The following CNBD1 variants were observed in gnomAD, a reference collection of about 807,000 sequenced individuals.
The protein encoded by CNBD1 is cyclic nucleotide-binding domain-containing protein 1.
Under a neutral mutation model 54.4 loss-of-function variants are expected in CNBD1, and 71 were observed. That is an observed-to-expected ratio of 1.30 (90% CI 1.08 to 1.59). CNBD1 has a LOEUF of 1.59. CNBD1 is among the 40% of genes most tolerant of loss of function. The pLI is 0.00. For missense variants in CNBD1, 659 were observed against 518.0 expected (o/e 1.27, Z -2.64); for synonymous variants, 182 against 170.7 (o/e 1.07, Z -0.51).
At chr8:87,049,510 C>T (rs1182274691) in intron 4 of CNBD1, among the ~76,000 whole-genome samples, 1 of 152,150 alleles carries the variant, frequency 6.6e-6, no homozygotes, top group African/African-American at 2.4e-5. Flanking sequence ...TTCAGGGTGA[C>T]TACTGAATAC....
chr8:87,015,042 G>A (rs1046258534), intron 4 of CNBD1, among the ~76,000 whole-genome samples: 8 of 152,060 alleles, frequency 5.3e-5, no homozygotes, highest in African/African-American at 1.9e-4. Context: ...TTTATAAGGG[G>A]CTTGTGTAAT....
At chr8:87,216,369 C>T (rs1446401677) in intron 5 of CNBD1, among the ~76,000 whole-genome samples, 2 of 152,048 alleles carry the variant, frequency 1.3e-5, no homozygotes, top group African/African-American at 4.8e-5. Context: ...CATCAGTATG[C>T]CACCATACAT....
At chr8:87,386,460 G>A (rs148918501), downstream of CNBD1, among the ~76,000 whole-genome samples, 250 of 152,254 alleles carry the variant, frequency 1.6e-3, 1 homozygote, top group African/African-American at 5.7e-3. Flanking sequence ...AGAACTATGT[G>A]ACGAATACAC....
chr8:87,303,042 G>A (rs952489105), intron 8 of CNBD1, among the ~76,000 whole-genome samples: 61 of 151,838 alleles, frequency 4.0e-4, no homozygotes, highest in African/African-American at 1.3e-3. Context: ...AATCAATATC[G>A]TGAAAATGGC....
At chr8:86,967,708 G>A (rs1382738929) in intron 4 of CNBD1, among the ~76,000 whole-genome samples, 7 of 151,710 alleles carry the variant, frequency 4.6e-5, no homozygotes, top group Admixed American at 4.6e-4. Flanking sequence ...TTTTAATAAG[G>A]CCATTAGCAT....
chr8:87,079,787 A>T lies in CNBD1; in HGVS notation c.432-126206A>T, dbSNP rs762608688. Among the ~76,000 whole-genome samples the T allele has an allele frequency of 1.2e-4, 18 of 152,260 alleles. No individual in the cohort carries two copies. The Middle Eastern group carries it at 0.01, about 86-fold the overall frequency. On this transcript the variant is annotated intron_variant, in intron 4 of 10. Coordinates refer to ENST00000518476, the MANE Select transcript of CNBD1 (RefSeq NM_173538.3). Reference sequence around the variant, plus strand: ...TCTGTGGCTTGCATTTTAATTTTTTAAAAAAGATCTTTTAAATAGCGGGAT... The same window carrying T: ...TCTGTGGCTTGCATTTTAATTTTTTTAAAAAGATCTTTTAAATAGCGGGAT...
At chr8:87,389,681 G>A (rs1362013529) in intron 2 of CNBD1, among the ~76,000 whole-genome samples, 1 of 152,144 alleles carries the variant, frequency 6.6e-6, no homozygotes, top group African/African-American at 2.4e-5. Context: ...ACTGCCCAAG[G>A]TAATTTATAG....
intron 4 of CNBD1, among the ~76,000 whole-genome samples, chr8:87,150,109 G>A (rs1391629333): frequency 1.3e-5 from 2 of 152,012 alleles, no homozygotes; most frequent in Admixed American, 6.6e-5. Context: ...CCCGGGAGGC[G>A]GAGCTTGCAG....
chr8:87,411,476 A>G, intron 2 of CNBD1, among the ~76,000 whole-genome samples: 1 of 145,190 alleles, frequency 6.9e-6, no homozygotes, highest in Non-Finnish European at 1.5e-5. Context: ...TCCTCCAAAC[A>G]TTGTATTATT....
At chr8:87,245,006 C>G (rs913606343) in intron 6 of CNBD1, among the ~76,000 whole-genome samples, 1 of 151,878 alleles carries the variant, frequency 6.6e-6, no homozygotes, top group African/African-American at 2.4e-5. Context: ...TTCAAATGTT[C>G]AAAACTAAAA....
chr8:86,939,842 G>A, intron 4 of CNBD1, 88 bp downstream of exon 4: 2 of 857,292 alleles, frequency 2.3e-6, no homozygotes, highest in South Asian at 1.9e-5. Flanking sequence ...GTGGGTAAGT[G>A]TACTTTAGTT....
chr8:87,223,119 G>C (rs939846390), intron 5 of CNBD1, among the ~76,000 whole-genome samples: 2 of 143,206 alleles, frequency 1.4e-5, no homozygotes, highest in Admixed American at 7.0e-5. Flanking sequence ...AAAAACCCCT[G>C]TGACCCCATC....
chr8:87,015,560 G>T (rs1809337223), intron 4 of CNBD1, among the ~76,000 whole-genome samples: 1 of 152,144 alleles, frequency 6.6e-6, no homozygotes, highest in Non-Finnish European at 1.5e-5. Flanking sequence ...TTTTCAGATT[G>T]AGATCTTTAA....
intron 2 of CNBD1, among the ~76,000 whole-genome samples, chr8:87,426,164 G>A (rs965726350): frequency 1.2e-4 from 18 of 152,300 alleles, no homozygotes; most frequent in Admixed American, 2.6e-4. Flanking sequence ...GCAATGCCTC[G>A]CCCTGCTTCA....
intron 4 of CNBD1, among the ~76,000 whole-genome samples, chr8:87,067,148 T>C (rs1442109488): frequency 6.6e-6 from 1 of 152,024 alleles, no homozygotes; most frequent in Non-Finnish European, 1.5e-5. Flanking sequence ...ACTTGAGAGC[T>C]GAGCTCAATT....
intron 3 of CNBD1, among the ~76,000 whole-genome samples, chr8:86,932,104 A>T (rs543695470): frequency 1.1e-4 from 16 of 152,226 alleles, no homozygotes; most frequent in African/African-American, 3.9e-4. Flanking sequence ...GTATCTCCAA[A>T]GTCTCGGGCT....
At chr8:87,328,263 C>T (rs1019573379) in intron 8 of CNBD1, among the ~76,000 whole-genome samples, 1 of 151,884 alleles carries the variant, frequency 6.6e-6, no homozygotes, top group South Asian at 2.1e-4. Flanking sequence ...TTTTGGCACC[C>T]TTGTCAAGAT....
At chr8:87,131,973 G>C (rs540815170) in intron 4 of CNBD1, among the ~76,000 whole-genome samples, 1 of 152,000 alleles carries the variant, frequency 6.6e-6, no homozygotes, top group African/African-American at 2.4e-5. Context: ...CATTCTTGTA[G>C]GATATTTTCA....
intron 10 of CNBD1, among the ~76,000 whole-genome samples, chr8:87,358,700 G>A (rs1810469023): frequency 6.6e-6 from 1 of 152,148 alleles, no homozygotes; most frequent in Admixed American, 6.6e-5. Context: ...TAAAGCCAGT[G>A]GTATAATTCA....
Sources: gnomAD v4.1 joint callset for allele counts (sites outside exome capture counted in the v4.1 genomes callset) on GRCh38, gnomAD v4.1.1 for gene constraint, MANE v1.5 for transcripts, NCBI Gene and HGNC (gene_info 2026-07-23, HGNC 2026-07-21) for gene names.